ARHGAP6: variants seen among roughly 807,000 people sequenced by gnomAD.
ARHGAP6 encodes Rho GTPase activating protein 6.
In ARHGAP6, 16 loss-of-function variants were observed where a neutral mutation model predicts 55.7. The observed-to-expected ratio is 0.29, with a 90% CI of 0.19 to 0.44. The LOEUF (loss-of-function observed/expected upper bound fraction) is 0.44, where lower values mean the gene tolerates loss of function less well. ARHGAP6 is among the 20% of genes least tolerant of loss of function. ARHGAP6 has a pLI of 1.00. For synonymous variants in ARHGAP6, 382 were observed against 360.9 expected (o/e 1.06, Z -0.66); for missense variants, 698 against 808.9 (o/e 0.86, Z 1.66).
At chrX:11,234,117 A>G (rs993733679) in intron 2 of ARHGAP6, among the ~76,000 whole-genome samples, 6 of 112,612 alleles carry the variant, frequency 5.3e-5, no homozygotes, top group African/African-American at 1.9e-4. Flanking sequence ...TATAGGAAAA[A>G]TAACCACTCT....
chrX:11,245,036 C>A (rs1398401495), intron 2 of ARHGAP6, among the ~76,000 whole-genome samples: 1 of 111,726 alleles, frequency 9.0e-6, no homozygotes, highest in Non-Finnish European at 1.9e-5. Context: ...CTAGGAAGAG[C>A]ATCCAAGAAG....
At chrX:11,244,230 G>T (rs1478920396) in intron 2 of ARHGAP6, among the ~76,000 whole-genome samples, 2 of 111,977 alleles carry the variant, frequency 1.8e-5, no homozygotes, top group African/African-American at 3.2e-5. Flanking sequence ...TTTCTGTAAA[G>T]ATCCAGAGAA....
At chrX:11,326,880 T>A (rs60416009) in intron 1 of ARHGAP6, among the ~76,000 whole-genome samples, 2,255 of 111,955 alleles carry the variant, frequency 0.02, 54 homozygotes, top group African/African-American at 0.068. Context: ...AAAGCATTTT[T>A]AAAAATTATT....
chrX:11,354,616 A>G (rs1430286645), intron 1 of ARHGAP6, among the ~76,000 whole-genome samples: 2 of 110,384 alleles, frequency 1.8e-5, no homozygotes, highest in Non-Finnish European at 3.8e-5. Context: ...TTCCATTACC[A>G]TGGAATCTGA....
At chrX:11,422,685 CAT>C (rs763991737) in intron 1 of ARHGAP6, among the ~76,000 whole-genome samples, 2 of 112,068 alleles carry the variant, frequency 1.8e-5, no homozygotes, top group Non-Finnish European at 3.8e-5. Context: ...AGTTGAGAGT[CAT>C]GTGTGTGTGG....
At chrX:11,193,686 C>A (rs754819905) in intron 3 of ARHGAP6, among the ~76,000 whole-genome samples, 2 of 112,458 alleles carry the variant, frequency 1.8e-5, no homozygotes, top group Non-Finnish European at 3.8e-5. Flanking sequence ...CACTTAGCTA[C>A]CTTCGAGGCA....
intron 2 of ARHGAP6, among the ~76,000 whole-genome samples, chrX:11,251,013 G>A (rs2047416708): frequency 8.9e-6 from 1 of 111,849 alleles, no homozygotes; most frequent in African/African-American, 3.3e-5. Flanking sequence ...GTCCGATATG[G>A]TGTATTTAGC....
intron 1 of ARHGAP6, 51 bp from the exon 2 acceptor site, chrX:11,254,758 C>T (rs781221036): frequency 2.8e-6 from 3 of 1,056,233 alleles, no homozygotes; most frequent in South Asian, 3.1e-5. Flanking sequence ...ACAGAGTTCA[C>T]TTACCTCTCA....
At chrX:11,616,768 G>A (rs1442188639) in intron 1 of ARHGAP6, among the ~76,000 whole-genome samples, 1 of 111,794 alleles carries the variant, frequency 8.9e-6, no homozygotes, top group African/African-American at 3.3e-5. Flanking sequence ...GGCAATATTT[G>A]GAGACTTTTT....
intron 8 of ARHGAP6, among the ~76,000 whole-genome samples, chrX:11,175,869 T>C (rs771454915): frequency 0.023 from 2,505 of 108,762 alleles, 29 homozygotes; most frequent in South Asian, 0.057. Flanking sequence ...ATTTTTTTTT[T>C]CTTCTAATTC....
chrX:11,152,732 C>G (rs989283267), intron 10 of ARHGAP6, among the ~76,000 whole-genome samples: 1 of 112,228 alleles, frequency 8.9e-6, no homozygotes, highest in Non-Finnish European at 1.9e-5. Flanking sequence ...ACAAGGATGC[C>G]TTTTTAATGT....
chrX:11,276,880 G>A (rs141045808), intron 1 of ARHGAP6, among the ~76,000 whole-genome samples: 1 of 111,633 alleles, frequency 9.0e-6, no homozygotes, highest in African/African-American at 3.3e-5. Flanking sequence ...GAAGAGCTTG[G>A]ACATAAAAAT....
intron 3 of ARHGAP6, among the ~76,000 whole-genome samples, chrX:11,195,959 C>CAAAA (rs1024986729): frequency 4.8e-4 from 4 of 8,413 alleles, no homozygotes; most frequent in African/African-American, 6.0e-4. Context: ...ACTAAAAATA[C>CAAAA]AAAAAAAAAA....
At chrX:11,454,110 A>AT (rs1187605203) in intron 1 of ARHGAP6, among the ~76,000 whole-genome samples, 4,347 of 76,606 alleles carry the variant, frequency 0.057, 142 homozygotes, top group African/African-American at 0.065. Context: ...CGCACGGCTA[A>AT]TTTTTTTTTT....
rs1569242428 is a variant in ARHGAP6, at chrX:11,176,252, TATA to T, written c.1629+1845_1629+1847del. Among the ~76,000 whole-genome samples, 29 of 68,322 alleles carry T rather than the reference TATA, an allele frequency of 4.2e-4. 1 individual carries two copies. The highest frequency in any genetic ancestry group is 7.2e-3 in the Middle Eastern group (1 of 138). 59.3% of individuals were successfully genotyped at this position (68,322 alleles called of 115,157 possible). ...ATTTGCATATATATATATATATATA[TATA>T]TATATATATTTGCATATATTTATAT... On this transcript the variant is annotated intron_variant, in intron 8 of 12. Transcript: ENST00000337414.
In ARHGAP6 at chrX:11,178,129, C is replaced by T; in HGVS notation, c.1600G>A (p.Asp534Asn). Residue 534 changes from aspartate (D) to asparagine (N), a missense_variant, in exon 8 of 13, where the codon GAT (aspartate) becomes AAT (asparagine). By Grantham distance (23) the Asp-to-Asn change is conservative. Coordinates refer to ENST00000337414, the MANE Select transcript of ARHGAP6 (RefSeq NM_013427.3). The stretch of plus-strand genomic sequence containing the variant: ...TGCCCATCTTTGCTGATGTTGTCAT[C>T]GGCATGCCTGGCCACGATGGAGAGG... ...QFLSIVARHA[D>N]DNISKDGQEV... 5 of 1,211,510 alleles carry T rather than the reference C, an allele frequency of 4.1e-6. No individual in the cohort carries two copies. The highest frequency in any genetic ancestry group is 5.6e-6 in the Non-Finnish European group (5 of 895,454).
At chrX:11,290,913 C>T (rs758376502) in intron 1 of ARHGAP6, among the ~76,000 whole-genome samples, 6 of 112,092 alleles carry the variant, frequency 5.4e-5, no homozygotes, top group Admixed American at 2.8e-4. Context: ...TTTCAGTTCA[C>T]GCATACTTTT....
At chrX:11,324,205 G>C (rs908683020) in intron 1 of ARHGAP6, among the ~76,000 whole-genome samples, 2 of 112,000 alleles carry the variant, frequency 1.8e-5, no homozygotes, top group African/African-American at 3.2e-5. Flanking sequence ...TTTCTTCAAA[G>C]AATTGTAACA....
chrX:11,585,321 G>T (rs2051719568), intron 1 of ARHGAP6, among the ~76,000 whole-genome samples: 1 of 112,176 alleles, frequency 8.9e-6, no homozygotes, highest in African/African-American at 3.2e-5. Context: ...TACATCAAAT[G>T]GTAGTTCTGT....
Sources: allele counts gnomAD v4.1 joint callset (sites outside exome capture counted in the v4.1 genomes callset), GRCh38; gene constraint gnomAD v4.1.1; transcripts MANE v1.5; gene names NCBI Gene and HGNC (gene_info 2026-07-23, HGNC 2026-07-21).